The following ICA1 variants were observed in gnomAD, a reference collection of about 807,000 sequenced individuals.
ICA1 encodes the protein 69 kDa islet cell autoantigen.
A neutral mutation model predicts 71.0 loss-of-function variants in ICA1; 40 were observed. The ratio of observed to expected loss-of-function variants is 0.56; its 90% CI spans 0.44 to 0.73. The LOEUF (loss-of-function observed/expected upper bound fraction) is 0.73. Among genes scored for constraint, ICA1 ranks in the 30% least tolerant of loss-of-function variants. The pLI is 0.00. For missense variants in ICA1, 578 were observed against 576.5 expected, an observed-to-expected ratio of 1.00 and a Z score of -0.03; for synonymous variants, 207 against 209.5, an observed-to-expected ratio of 0.99 and a Z score of 0.10.
chr7:8,172,322 A>G (rs1462504028), intron 6 of ICA1, among the ~76,000 whole-genome samples: 2 of 152,100 alleles, frequency 1.3e-5, no homozygotes, highest in Non-Finnish European at 2.9e-5. Flanking sequence ...ATTATCTTCA[A>G]TAAATATCCT....
At position 8,226,776 on chromosome 7, in the gene ICA1, G is replaced by A. The variant is rs1187762662; in HGVS notation, c.256+1825C>T. ...GCTCTGCTGGCACAACCAGGTGACT[G>A]CTTCAACGGTGGGGACATTATTCTA... On this transcript the variant is annotated intron_variant, in intron 4 of 13. Coordinates refer to ENST00000402384, the MANE Select transcript of ICA1 (RefSeq NM_001136020.3). This position sits in a 1 kb window ranked among gnomAD's most constrained non-coding sequence, Gnocchi z 4.4. Among the ~76,000 whole-genome samples, 1 of 152,198 alleles carries A rather than the reference G, an allele frequency of 6.6e-6. No individual in the cohort carries two copies. Among genetic ancestry groups the A allele is most frequent in the Non-Finnish European group, 1.5e-5 (1 of 68,036 alleles).
intron 6 of ICA1, among the ~76,000 whole-genome samples, chr7:8,202,381 G>A (rs1790023140): frequency 6.6e-6 from 1 of 152,144 alleles, no homozygotes; most frequent in Non-Finnish European, 1.5e-5. Context: ...TCTTCCTCTT[G>A]GGGAGTTTTA....
intron 8 of ICA1, among the ~76,000 whole-genome samples, chr7:8,152,669 CATT>C (rs796199124): frequency 0.035 from 1,660 of 47,372 alleles, 16 homozygotes; most frequent in East Asian, 0.18. Flanking sequence ...CCACCACCAC[CATT>C]ATCTCCTTCA....
intron 10 of ICA1, among the ~76,000 whole-genome samples, chr7:8,140,806 GAGA>G (rs1562619731): frequency 6.6e-6 from 1 of 152,204 alleles, no homozygotes; most frequent in East Asian, 1.9e-4. Context: ...AGGCAGATAG[GAGA>G]AAAGCAAATA....
chr7:8,243,653 T>C (rs529871806), intron 1 of ICA1, among the ~76,000 whole-genome samples: 8 of 152,366 alleles, frequency 5.3e-5, no homozygotes, highest in African/African-American at 1.9e-4. Flanking sequence ...GACATGATTG[T>C]ATATTTAGAA....
intron 3 of ICA1, among the ~76,000 whole-genome samples, chr7:8,230,593 A>G (rs1799973499): frequency 6.6e-6 from 1 of 152,234 alleles, no homozygotes; most frequent in Non-Finnish European, 1.5e-5. Context: ...TGGTTCAGCC[A>G]AAATATAATG....
At chr7:8,172,515 G>A (rs1183765165) in intron 6 of ICA1, among the ~76,000 whole-genome samples, 2 of 152,016 alleles carry the variant, frequency 1.3e-5, no homozygotes, top group African/African-American at 4.8e-5. Context: ...TCTTGCTTTT[G>A]AAAAAATCCA....
At chr7:8,219,171 T>G (rs1261601629) in intron 5 of ICA1, among the ~76,000 whole-genome samples, 1 of 152,214 alleles carries the variant, frequency 6.6e-6, no homozygotes, top group African/African-American at 2.4e-5. Flanking sequence ...CTATAACATA[T>G]GCCCTTTACC....
At chr7:8,235,136 C>T (rs186468684) in intron 2 of ICA1, among the ~76,000 whole-genome samples, 5 of 151,862 alleles carry the variant, frequency 3.3e-5, no homozygotes, top group African/African-American at 1.2e-4. Flanking sequence ...TGAACTCCAG[C>T]CTGGGTGACA....
intron 6 of ICA1, among the ~76,000 whole-genome samples, chr7:8,210,553 A>G (rs1583282118): frequency 6.6e-6 from 1 of 152,196 alleles, no homozygotes; most frequent in East Asian, 1.9e-4. Context: ...ACCACTATAT[A>G]ATTTCCTAGC....
At chr7:8,168,326 C>T (rs1806925105) in intron 6 of ICA1, among the ~76,000 whole-genome samples, 1 of 152,074 alleles carries the variant, frequency 6.6e-6, no homozygotes, top group Non-Finnish European at 1.5e-5. Flanking sequence ...GAACCCTTTC[C>T]ATTTATCAGA....
chr7:8,252,112 T>G (rs890567661), intron 1 of ICA1, among the ~76,000 whole-genome samples: 12 of 152,202 alleles, frequency 7.9e-5, no homozygotes, highest in African/African-American at 2.9e-4. Flanking sequence ...TTTAAAAGTT[T>G]GCAGTATAAA....
At chr7:8,250,958 T>C (rs142276371) in intron 1 of ICA1, among the ~76,000 whole-genome samples, 5 of 130,478 alleles carry the variant, frequency 3.8e-5, no homozygotes, top group East Asian at 2.3e-4. Flanking sequence ...TGGAGTGCAA[T>C]TGTGACATTA....
At chr7:8,170,757 G>C (rs74876038) in intron 6 of ICA1, among the ~76,000 whole-genome samples, 2,240 of 152,048 alleles carry the variant, frequency 0.015, 63 homozygotes, top group African/African-American at 0.052. Context: ...ATACATCTAT[G>C]TACACATGCT....
chr7:8,188,787 G>C (rs533895624), intron 6 of ICA1, among the ~76,000 whole-genome samples: 58 of 152,224 alleles, frequency 3.8e-4, no homozygotes, highest in Admixed American at 2.3e-3. Context: ...TGGCTCCCTA[G>C]GGCAGAGAAG....
At chr7:8,114,608 C>A (rs934837332) in intron 13 of ICA1, among the ~76,000 whole-genome samples, 2 of 152,212 alleles carry the variant, frequency 1.3e-5, no homozygotes, top group Non-Finnish European at 2.9e-5. Flanking sequence ...GACATGCCTT[C>A]CCTTCTCCCA....
At chr7:8,196,006 CACCAA>C in intron 6 of ICA1, among the ~76,000 whole-genome samples, 2 of 151,942 alleles carry the variant, frequency 1.3e-5, no homozygotes, top group Non-Finnish European at 2.9e-5. Context: ...ACAACACCAA[CACCAA>C]CACCAAAAAC....
At chr7:8,127,276 G>A (rs537080929) in intron 13 of ICA1, among the ~76,000 whole-genome samples, 3 of 151,990 alleles carry the variant, frequency 2.0e-5, no homozygotes, top group South Asian at 2.1e-4. Context: ...ACAGGCATGA[G>A]CCACCATGCC....
chr7:8,163,764 G>A (rs1804793982), intron 6 of ICA1, among the ~76,000 whole-genome samples: 1 of 152,176 alleles, frequency 6.6e-6, no homozygotes, highest in Non-Finnish European at 1.5e-5. Context: ...TCCTAGAGCT[G>A]AGAGTAGGTC....
Sources: gnomAD v4.1 joint callset for allele counts (sites outside exome capture counted in the v4.1 genomes callset) on GRCh38, gnomAD v4.1.1 for gene constraint, Gnocchi (gnomAD v3.1) non-coding constraint, MANE v1.5 for transcripts, NCBI Gene and HGNC (gene_info 2026-07-23, HGNC 2026-07-21) for gene names.